The following GHR variants were observed in gnomAD, a reference collection of about 807,000 sequenced individuals.
GHR encodes growth hormone receptor, also known as GH receptor.
Under a neutral mutation model 67.1 loss-of-function variants are expected in GHR, and 35 were observed. That is an observed-to-expected ratio of 0.52 (90% CI 0.40 to 0.69). The LOEUF is 0.69. Among genes scored for constraint, GHR ranks in the 30% least tolerant of loss-of-function variants. The pLI is 0.00. For synonymous variants in GHR, 272 were observed against 269.1 expected (o/e 1.01, Z -0.10); for missense variants, 792 against 764.6 (o/e 1.04, Z -0.42).
At chr5:42,636,073 G>C (rs1305169758) in intron 3 of GHR, among the ~76,000 whole-genome samples, 1 of 151,796 alleles carries the variant, frequency 6.6e-6, no homozygotes, top group Non-Finnish European at 1.5e-5. Flanking sequence ...AGCCGGGCGT[G>C]GTGGCGGGCG....
At chr5:42,474,285 AAAAG>A (rs1331163161) in intron 1 of GHR, among the ~76,000 whole-genome samples, 10 of 28,120 alleles carry the variant, frequency 3.6e-4, no homozygotes, top group South Asian at 1.7e-3. Flanking sequence ...GAAAGAAAGA[AAAAG>A]AGAAAGAGAA....
chr5:42,538,429 A>G (rs1717186005), intron 1 of GHR, among the ~76,000 whole-genome samples: 1 of 152,118 alleles, frequency 6.6e-6, no homozygotes, highest in South Asian at 2.1e-4. Context: ...TTTCCTTCAT[A>G]TATGATGCTT....
rs182452178 is a variant in GHR at position 42,452,168 on chromosome 5, T to C, written c.-12+28213T>C. ...TCTCCTTCATATCTGAAGCTTAGTT[T>C]TGCTGGATGCAAAATTTTTGACTGA... On this transcript the variant is annotated intron_variant, in intron 1 of 9. Transcript: ENST00000230882. 9.7e-4 allele frequency among the ~76,000 whole-genome samples: 148 copies of C among 152,330 alleles called. 4 individuals carry two copies. In the East Asian group the frequency reaches 0.027, roughly 27 times the overall value.
intron 3 of GHR, among the ~76,000 whole-genome samples, chr5:42,672,881 G>C (rs1032307304): frequency 6.6e-6 from 1 of 152,056 alleles, no homozygotes; most frequent in Non-Finnish European, 1.5e-5. Context: ...TTATGACTGA[G>C]TTCTCAAAAG....
chr5:42,548,732 T>C lies in GHR; in HGVS notation c.-11-17132T>C, dbSNP rs540159627. Among the ~76,000 whole-genome samples the C allele has an allele frequency of 3.3e-4, 51 of 152,312 alleles. No individual in the cohort carries two copies. The South Asian group carries it at 0.011, about 32-fold the overall frequency. ...TCTTCCCCTTACTTCTCTGCCCTTT[T>C]CCTTTCTACTCTAAGCGAAACTTCT... On this transcript the variant is annotated intron_variant, in intron 1 of 9. Coordinates refer to ENST00000230882, the MANE Select transcript of GHR (RefSeq NM_000163.5).
intron 1 of GHR, among the ~76,000 whole-genome samples, chr5:42,512,793 C>A (rs1747074272): frequency 1.4e-5 from 2 of 138,856 alleles, no homozygotes. Context: ...AGTAACCATT[C>A]AGTAACTTTT....
intron 2 of GHR, among the ~76,000 whole-genome samples, chr5:42,576,143 T>TAAAAA (rs1359047675): frequency 0.019 from 1,578 of 83,268 alleles, 35 homozygotes; most frequent in Middle Eastern, 0.035. Flanking sequence ...TAAAATAAAA[T>TAAAAA]AGTAAAGTAA....
At chr5:42,599,454 C>T (rs113074281) in intron 2 of GHR, among the ~76,000 whole-genome samples, 47 of 151,198 alleles carry the variant, frequency 3.1e-4, no homozygotes, top group African/African-American at 8.5e-4. Context: ...CTCTGCCTCC[C>T]GGGTTCAAGC....
chr5:42,479,601 G>T (rs990826100), intron 1 of GHR, among the ~76,000 whole-genome samples: 1 of 152,028 alleles, frequency 6.6e-6, no homozygotes, highest in African/African-American at 2.4e-5. Context: ...ACTTCTTCCT[G>T]GTTTAGTCTT....
chr5:42,711,234 C>G lies in GHR; in HGVS notation c.646C>G (p.Pro216Ala), dbSNP rs1421392331. ...GGACCCTATATTGACAACATCAGTT[C>G]CAGTGTACTCATTGAAAGTGGATAA... is the stretch of plus-strand genomic sequence containing the variant. ...MMDPILTTSVPVYSLKVDKEY... is the reference protein window; with the variant it reads ...MMDPILTTSVAVYSLKVDKEY... Residue 216 changes from proline to alanine, a missense_variant, in exon 7 of 10, where the codon CCA becomes GCA. By Grantham distance (27) the Pro-to-Ala change is conservative. Coordinates refer to ENST00000230882, the MANE Select transcript of GHR (RefSeq NM_000163.5). 4 of 1,613,214 alleles carry G rather than the reference C, an allele frequency of 2.5e-6. No individual in the cohort carries two copies. The African/African-American group carries it at 5.3e-5, about 22-fold the overall frequency.
At chr5:42,494,847 A>G (rs1455971726) in intron 1 of GHR, among the ~76,000 whole-genome samples, 2 of 152,152 alleles carry the variant, frequency 1.3e-5, no homozygotes, top group Non-Finnish European at 2.9e-5. Flanking sequence ...CATGGCTACT[A>G]TAAAAATGCA....
Position 42,685,788 on chromosome 5 carries a change from G to A in GHR, c.137-3102G>A, listed in dbSNP as rs559661307. Among the ~76,000 whole-genome samples the A allele has an allele frequency of 2.6e-5, 4 of 152,096 alleles. No homozygotes were observed. The South Asian group carries it at 8.3e-4, about 32-fold the overall frequency. On this transcript the variant is annotated intron_variant, in intron 3 of 9. Coordinates refer to ENST00000230882, the MANE Select transcript of GHR (RefSeq NM_000163.5). Reference sequence around the variant, plus strand: ...TATCCTTTGCCCACTTTTTGATGGGGTTGTTTTTTTTCTTGTAAATTTATT... The same window carrying A: ...TATCCTTTGCCCACTTTTTGATGGGATTGTTTTTTTTCTTGTAAATTTATT...
At chr5:42,481,172 T>C (rs1745615149) in intron 1 of GHR, among the ~76,000 whole-genome samples, 1 of 152,098 alleles carries the variant, frequency 6.6e-6, no homozygotes, top group East Asian at 1.9e-4. Flanking sequence ...GATATGAAAT[T>C]CTGGGTTGAA....
chr5:42,446,546 T>A (rs1743814413), intron 1 of GHR, among the ~76,000 whole-genome samples: 1 of 152,218 alleles, frequency 6.6e-6, no homozygotes, highest in Non-Finnish European at 1.5e-5. Context: ...CTTATGTCAG[T>A]AAGTAACATG....
At chr5:42,458,891 A>G (rs527301011) in intron 1 of GHR, among the ~76,000 whole-genome samples, 96 of 152,298 alleles carry the variant, frequency 6.3e-4, no homozygotes, top group Admixed American at 2.7e-3. Context: ...AAAATGCTCA[A>G]TATCACTAAT....
intron 1 of GHR, among the ~76,000 whole-genome samples, chr5:42,527,595 C>T (rs1339741005): frequency 6.6e-6 from 1 of 152,160 alleles, no homozygotes; most frequent in East Asian, 1.9e-4. Context: ...GACATAGACT[C>T]CCTCACAATA....
At chr5:42,560,671 T>C (rs1749557087) in intron 1 of GHR, among the ~76,000 whole-genome samples, 1 of 152,118 alleles carries the variant, frequency 6.6e-6, no homozygotes. Context: ...CCACTAGCCG[T>C]TTCTCACATT....
In GHR at chr5:42,622,305, T is replaced by G. The variant is rs1464729401; in HGVS notation, c.71-6733T>G. 2.6e-5 allele frequency among the ~76,000 whole-genome samples: 4 copies of G among 152,214 alleles called. No individual in the cohort carries two copies. The East Asian group carries it at 5.8e-4, about 22-fold the overall frequency. On this transcript the variant is annotated intron_variant, in intron 2 of 9. Coordinates refer to ENST00000230882, the MANE Select transcript of GHR (RefSeq NM_000163.5). ...TTGAGATCAATCAATCAGCATGTACTTTATCAAGTGCCTCCTCATGAGTAC... is the reference window on the plus strand; with the variant it reads ...TTGAGATCAATCAATCAGCATGTACGTTATCAAGTGCCTCCTCATGAGTAC...
Position 42,719,751 on chromosome 5 carries a change from C to A in GHR, c.*327C>A. The stretch of plus-strand genomic sequence containing the variant: ...TATGTTTTTAATGTATAGTAAATCA[C>A]GCTTTTTGAAAAAGCGAAAAAATCA... On this transcript the variant is annotated 3_prime_UTR_variant, in exon 10 of 10. Coordinates refer to ENST00000230882, the MANE Select transcript of GHR (RefSeq NM_000163.5). The A allele has an allele frequency of 3.2e-6, 1 of 314,024 alleles. No homozygotes were observed. Among genetic ancestry groups the A allele is most frequent in the Non-Finnish European group, 6.1e-6 (1 of 164,250 alleles). 19.5% of individuals were successfully genotyped at this position (314,024 alleles called of 1,614,324 possible).
Sources: gnomAD v4.1 joint callset for allele counts (sites outside exome capture counted in the v4.1 genomes callset) on GRCh38, gnomAD v4.1.1 for gene constraint, MANE v1.5 for transcripts, NCBI Gene and HGNC (gene_info 2026-07-23, HGNC 2026-07-21) for gene names.